The following SRSF1 variants were observed in gnomAD, a reference collection of about 807,000 sequenced individuals.
SRSF1 encodes serine/arginine-rich splicing factor 1.
Under a neutral mutation model 25.9 loss-of-function variants are expected in SRSF1, and 1 was observed. That is an observed-to-expected ratio of 0.04 (90% confidence interval 0.01 to 0.18). The LOEUF is 0.18. Ranked by LOEUF, SRSF1 falls within the 10% of genes least tolerant of loss-of-function variation. The pLI is 1.00. For missense variants in SRSF1, 65 were observed against 350.5 expected (o/e 0.19, Z 6.50); for synonymous variants, 132 against 126.2 (o/e 1.05, Z -0.31).
rs763236608 is a variant in SRSF1 at position 58,005,736 on chromosome 17, A to C, written c.552+65T>G. ...CAACCTTGCCTGAATCCTTACCTTGAAATTCCACTGTTAAGACCACTGTAT... is the reference window on the plus strand; with the variant it reads ...CAACCTTGCCTGAATCCTTACCTTGCAATTCCACTGTTAAGACCACTGTAT... On this transcript the variant is annotated intron_variant, in intron 3 of 3. Coordinates refer to ENST00000258962, the MANE Select transcript of SRSF1 (RefSeq NM_006924.5). The surrounding 1 kb of genome is among the most constrained non-coding windows in gnomAD (Gnocchi z 5.2). 1.2e-6 allele frequency: 2 copies of C among 1,612,300 alleles called. No homozygotes were observed. Among genetic ancestry groups the C allele is most frequent in the African/African-American group, 2.7e-5 (2 of 74,844 alleles).
the SRSF1 span, chr17:57,990,016 AG>A: frequency 4.1e-5 from 14 of 343,468 alleles, no homozygotes; most frequent in South Asian, 2.2e-3. Context: ...AACTCACTCA[AG>A]GTCTCTGTGA....
downstream of SRSF1, among the ~76,000 whole-genome samples, chr17:57,996,494 A>AAAAAAAAC (rs1567745668): frequency 6.6e-6 from 1 of 150,822 alleles, no homozygotes; most frequent in Non-Finnish European, 1.5e-5. Flanking sequence ...AAAAAAAAAA[A>AAAAAAAAC]AAAAAAAAAC....
In SRSF1 at chr17:58,005,528, T is replaced by TTCGAGA; in HGVS notation, c.619_624dup (p.Arg218_Ser219dup). 1 of 1,614,230 alleles carries TTCGAGA rather than the reference T, an allele frequency of 6.2e-7. No homozygotes were observed. Among genetic ancestry groups the TTCGAGA allele is most frequent in the Non-Finnish European group, 8.5e-7 (1 of 1,180,042 alleles). ...CTACGGCTTCTGCTACGACTACGGC[T>TTCGAGA]TCGAGATCGAGATCTTCCATAACTT... is the stretch of plus-strand genomic sequence containing the variant. On this transcript the variant is annotated inframe_insertion, in exon 4 of 4. Coordinates refer to ENST00000258962, the MANE Select transcript of SRSF1 (RefSeq NM_006924.5). The surrounding 1 kb of genome is among the most constrained non-coding windows in gnomAD (Gnocchi z 5.2).
chr17:57,997,051 T>C (rs1186588367), downstream of SRSF1, among the ~76,000 whole-genome samples: 3 of 152,186 alleles, frequency 2.0e-5, no homozygotes, highest in Non-Finnish European at 4.4e-5. Flanking sequence ...TGTAAGAAGC[T>C]TAAAAGAGAA....
At chr17:58,006,825 A>T in intron 1 of SRSF1, 119 bp downstream of exon 1, 1 of 1,220,134 alleles carries the variant, frequency 8.2e-7, no homozygotes, top group Non-Finnish European at 1.2e-6. Context: ...TGGGCGATAC[A>T]GTCTCGCCCC....
intron 1 of SRSF1, 181 bp downstream of exon 1, chr17:58,006,763 G>A (rs2075431938): frequency 3.3e-6 from 3 of 911,024 alleles, no homozygotes; most frequent in South Asian, 1.8e-5. Context: ...GGACGTCCAA[G>A]GCGAGGCGCC....
chr17:57,992,206 C>A, the SRSF1 span: 1 of 152,124 alleles, frequency 6.6e-6, no homozygotes, highest in Non-Finnish European at 1.5e-5. Flanking sequence ...TCCAACAAAT[C>A]GCAAGTAAAA....
chr17:58,002,956 G>A lies in SRSF1; in HGVS notation c.*2450C>T, dbSNP rs746611300. 1.3e-5 allele frequency among the ~76,000 whole-genome samples: 2 copies of A among 152,186 alleles called. No homozygotes were observed. Among genetic ancestry groups the A allele is most frequent in the South Asian group, 2.1e-4 (1 of 4,830 alleles). On this transcript the variant is annotated 3_prime_UTR_variant, in exon 4 of 4. Transcript: ENST00000258962. Reference sequence around the variant, plus strand: ...CAAATCCAGGGGTGGAGGTTGCAGTGAGCCTAGATCACACCACTGCCCTCC... The same window carrying A: ...CAAATCCAGGGGTGGAGGTTGCAGTAAGCCTAGATCACACCACTGCCCTCC...
chr17:58,000,449 C>T (rs2075382091), downstream of SRSF1, among the ~76,000 whole-genome samples: 1 of 152,124 alleles, frequency 6.6e-6, no homozygotes, highest in Non-Finnish European at 1.5e-5. Context: ...GGTCAATGTT[C>T]CTTTAAGTAC....
Position 58,003,953 on chromosome 17 carries a change from T to C in SRSF1, c.*1453A>G, listed in dbSNP as rs1287819884. 6.6e-6 allele frequency: 1 copy of C among 152,656 alleles called. No homozygotes were observed. The highest frequency in any genetic ancestry group is 1.5e-5 in the Non-Finnish European group (1 of 68,050). 9.5% of individuals were successfully genotyped at this position (152,656 alleles called of 1,614,324 possible). ...TATCCACATTATGATTTGAATCCAA[T>C]GATCCAGCTCCAAGGATTGGGATCC... On this transcript the variant is annotated 3_prime_UTR_variant, in exon 4 of 4. Coordinates refer to ENST00000258962, the MANE Select transcript of SRSF1 (RefSeq NM_006924.5).
chr17:58,006,173 A>C, intron 2 of SRSF1, 170 bp downstream of exon 2: 1 of 1,001,128 alleles, frequency 1.0e-6, no homozygotes. Flanking sequence ...ACCGCAACCT[A>C]ATTTGGTAAA....
At chr17:57,991,478 CTT>C in the SRSF1 span, 1 of 152,070 alleles carries the variant, frequency 6.6e-6, no homozygotes, top group Non-Finnish European at 1.5e-5. Context: ...TGGACCAACT[CTT>C]TATGCAAAAA....
At chr17:57,993,472 G>A in the SRSF1 span, 1 of 151,660 alleles carries the variant, frequency 6.6e-6, no homozygotes, top group Non-Finnish European at 1.5e-5. Flanking sequence ...TGCTGCGCTG[G>A]TTATTAAAAG....
At chr17:57,994,389 G>C in the SRSF1 span, 1 of 152,204 alleles carries the variant, frequency 6.6e-6, no homozygotes, top group African/African-American at 2.4e-5. Context: ...TCTCCCGAGA[G>C]AACTGAGAAA....
chr17:58,000,502 T>C (rs2075382452), downstream of SRSF1, among the ~76,000 whole-genome samples: 1 of 152,176 alleles, frequency 6.6e-6, no homozygotes. Flanking sequence ...TATTGTACAC[T>C]CTAGGATGCC....
rs894925939 is a variant in SRSF1, at chr17:58,005,822, G to A, written c.531C>T (p.Asn177=). Residue 177 remains asparagine (N), a synonymous_variant, in exon 3 of 4, where the codon AAC becomes AAT. Transcript: ENST00000258962. This position sits in a 1 kb window ranked among gnomAD's most constrained non-coding sequence, Gnocchi z 5.2. ...CTACCTCATGAGATCTAAACTTAGTGTTATCCAGTTTTCGAACTGCATAGG... is the reference window on the plus strand; with the variant it reads ...CTACCTCATGAGATCTAAACTTAGTATTATCCAGTTTTCGAACTGCATAGG... ...DMTYAVRKLD[N]TKFRSHEGET... The A allele has an allele frequency of 6.2e-6, 10 of 1,614,042 alleles. No homozygotes were observed. The highest frequency in any genetic ancestry group is 8.5e-6 in the Non-Finnish European group (10 of 1,180,012).
In SRSF1 at chr17:58,002,148, AATGTC is replaced by A. The variant is rs201319069; in HGVS notation, c.*3253_*3257del. On this transcript the variant is annotated 3_prime_UTR_variant, in exon 4 of 4. Transcript: ENST00000258962. ...ACATAAAACTTCTTAGAATTTCAAG[AATGTC>A]ATGTAAAATTATTCAAATTTTTAAA... Among the ~76,000 whole-genome samples, 1,449 of 152,356 alleles carry A rather than the reference AATGTC, an allele frequency of 9.5e-3. 22 individuals are homozygous for A. Among genetic ancestry groups the A allele is most frequent in the African/African-American group, 0.033 (1,391 of 41,576 alleles).
At chr17:58,000,405 A>G (rs2075381875), downstream of SRSF1, among the ~76,000 whole-genome samples, 2 of 152,216 alleles carry the variant, frequency 1.3e-5, no homozygotes, top group African/African-American at 4.8e-5. Context: ...TCTTTACTTC[A>G]TGCCAATCCC....
chr17:57,990,169 T>C, the SRSF1 span: 1 of 155,048 alleles, frequency 6.4e-6, no homozygotes, highest in Admixed American at 6.5e-5. Flanking sequence ...GCTGGACTCT[T>C]GAACTTGTTA....
Sources: allele counts gnomAD v4.1 joint callset (sites outside exome capture counted in the v4.1 genomes callset), GRCh38; gene constraint gnomAD v4.1.1; non-coding constraint Gnocchi (gnomAD v3.1); transcripts MANE v1.5; gene names NCBI Gene and HGNC (gene_info 2026-07-23, HGNC 2026-07-21).